Variants in C19orf47 observed in about 807,000 individuals in gnomAD.
The protein encoded by C19orf47 is uncharacterized protein C19orf47.
Under a neutral mutation model 32.3 loss-of-function variants are expected in C19orf47, and 18 were observed. That is an observed-to-expected ratio of 0.56 (90% CI 0.39 to 0.83). The LOEUF is 0.83. C19orf47 is among the 40% of genes least tolerant of loss of function. The probability of loss-of-function intolerance (pLI) is 0.00; values close to 1 mark genes in which losing one functional copy is unlikely to be tolerated. For missense variants in C19orf47, 484 were observed against 531.6 expected (o/e 0.91, Z 0.88); for synonymous variants, 202 against 211.1 (o/e 0.96, Z 0.37).
chr19:40,299,847 G>A, the C19orf47 span, among the ~76,000 whole-genome samples: 1 of 151,974 alleles, frequency 6.6e-6, no homozygotes, highest in Admixed American at 6.6e-5. Flanking sequence ...CCGACATGGC[G>A]AAACCCTGTC....
intron 8 of C19orf47, 40 bp downstream of exon 8, chr19:40,323,966 C>T (rs769207411): frequency 6.2e-7 from 1 of 1,611,794 alleles, no homozygotes; most frequent in African/African-American, 1.3e-5. Context: ...GGGAAGACAA[C>T]AGCTCGCACG....
At chr19:40,336,624 A>G (rs2078071386) in intron 2 of C19orf47, among the ~76,000 whole-genome samples, 1 of 152,172 alleles carries the variant, frequency 6.6e-6, no homozygotes, top group Non-Finnish European at 1.5e-5. Flanking sequence ...AAAATGAGAT[A>G]GGGAAAGGTT....
the C19orf47 span, among the ~76,000 whole-genome samples, chr19:40,294,785 A>G: frequency 6.6e-6 from 1 of 152,208 alleles, no homozygotes; most frequent in Non-Finnish European, 1.5e-5. Flanking sequence ...GAAGCCCACG[A>G]TGCAGTGACA....
chr19:40,335,792 G>A (rs1388713260), intron 4 of C19orf47, among the ~76,000 whole-genome samples: 2 of 152,048 alleles, frequency 1.3e-5, no homozygotes, highest in Admixed American at 6.6e-5. Flanking sequence ...TGTATTTTTA[G>A]TACAGACGGG....
intron 2 of C19orf47, among the ~76,000 whole-genome samples, chr19:40,340,407 G>T (rs1318670312): frequency 6.6e-6 from 1 of 152,176 alleles, no homozygotes; most frequent in African/African-American, 2.4e-5. Flanking sequence ...AGGCAGCCAG[G>T]CGCGGTGGCT....
chr19:40,342,149 A>G, intron 1 of C19orf47: 1 of 660,070 alleles, frequency 1.5e-6, no homozygotes, highest in South Asian at 6.8e-5. Context: ...GTTGGCTGGA[A>G]AAGGAGTGCA....
intron 5 of C19orf47, among the ~76,000 whole-genome samples, chr19:40,330,221 C>A (rs1265938446): frequency 1.3e-5 from 2 of 151,762 alleles, no homozygotes; most frequent in Non-Finnish European, 2.9e-5. Context: ...CATTTACTTT[C>A]CCTTTCTTTT....
At chr19:40,309,740 T>C in the C19orf47 span, among the ~76,000 whole-genome samples, 1 of 151,452 alleles carries the variant, frequency 6.6e-6, no homozygotes, top group African/African-American at 2.4e-5. Flanking sequence ...AAAAGGAGCT[T>C]TTTCCAATAA....
intron 5 of C19orf47, among the ~76,000 whole-genome samples, chr19:40,331,666 T>C (rs894572680): frequency 2.0e-5 from 3 of 152,050 alleles, no homozygotes; most frequent in African/African-American, 4.8e-5. Flanking sequence ...GTCTGTGTTT[T>C]AAAGCACAGT....
chr19:40,341,977 G>C, intron 1 of C19orf47, 87 bp from the exon 2 acceptor site: 1 of 1,531,956 alleles, frequency 6.5e-7, no homozygotes, highest in Non-Finnish European at 8.7e-7. Context: ...CTGCATGCCA[G>C]AGGAATGTTC....
At chr19:40,323,824 G>C (rs1275736594) in intron 8 of C19orf47, among the ~76,000 whole-genome samples, 182 bp downstream of exon 8, 1 of 152,198 alleles carries the variant, frequency 6.6e-6, no homozygotes, top group African/African-American at 2.4e-5. Flanking sequence ...TGGAAACTGG[G>C]AGAGAAGCCA....
At chr19:40,299,228 G>C in the C19orf47 span, among the ~76,000 whole-genome samples, 1 of 151,624 alleles carries the variant, frequency 6.6e-6, no homozygotes, top group East Asian at 1.9e-4. Flanking sequence ...AACTTTATTT[G>C]CCTTCAAAGC....
At chr19:40,305,110 A>C in the C19orf47 span, among the ~76,000 whole-genome samples, 1 of 152,172 alleles carries the variant, frequency 6.6e-6, no homozygotes, top group Non-Finnish European at 1.5e-5. Context: ...TGGGAGGCAA[A>C]GGAGAGCGGA....
the C19orf47 span, among the ~76,000 whole-genome samples, chr19:40,305,632 CACG>C: frequency 2.0e-5 from 3 of 152,150 alleles, no homozygotes; most frequent in Admixed American, 2.0e-4. Context: ...GAAGCTCTTA[CACG>C]ACACCTAAAT....
At chr19:40,331,780 T>C (rs1568614771) in intron 5 of C19orf47, among the ~76,000 whole-genome samples, 1 of 152,310 alleles carries the variant, frequency 6.6e-6, no homozygotes, top group East Asian at 1.9e-4. Context: ...CTAATGGCTG[T>C]AATCCCAACA....
the C19orf47 span, among the ~76,000 whole-genome samples, chr19:40,301,138 C>T: frequency 6.6e-6 from 1 of 151,680 alleles, no homozygotes; most frequent in Non-Finnish European, 1.5e-5. Context: ...GGTAACAGAG[C>T]GAGACTCTGT....
intron 7 of C19orf47, 63 bp downstream of exon 7, chr19:40,326,271 C>T (rs967119034): frequency 2.5e-6 from 4 of 1,596,770 alleles, no homozygotes; most frequent in African/African-American, 1.3e-5. Context: ...ATGACGGGCC[C>T]TGTGTGATGC....
chr19:40,343,276 C>G (rs1183908156), intron 1 of C19orf47, among the ~76,000 whole-genome samples: 1 of 152,172 alleles, frequency 6.6e-6, no homozygotes, highest in Non-Finnish European at 1.5e-5. Flanking sequence ...TTCCTGTTTA[C>G]CACCCCATAC....
chr19:40,331,499 A>T (rs140696991), intron 5 of C19orf47, among the ~76,000 whole-genome samples: 1 of 152,328 alleles, frequency 6.6e-6, no homozygotes, highest in East Asian at 1.9e-4. Context: ...TTAGCAAGAC[A>T]TGGTGGCTTG....
Sources: gnomAD v4.1 joint callset for allele counts (sites outside exome capture counted in the v4.1 genomes callset) on GRCh38, gnomAD v4.1.1 for gene constraint, MANE v1.5 for transcripts, NCBI Gene and HGNC (gene_info 2026-07-23, HGNC 2026-07-21) for gene names.